Variants in SGSH observed in about 807,000 individuals in gnomAD.
The protein encoded by SGSH is heparan sulfate sulfatase.
Under a neutral mutation model 51.0 loss-of-function variants are expected in SGSH, and 48 were observed. That is an observed-to-expected ratio of 0.94 (90% CI 0.75 to 1.20). SGSH has a LOEUF of 1.20. Ranked by LOEUF, SGSH falls within the 50% of genes most tolerant of loss-of-function variation. The pLI is 0.00. For synonymous variants in SGSH, 321 were observed against 313.4 expected, an observed-to-expected ratio of 1.02 and a Z score of -0.26; for missense variants, 662 against 717.8, an observed-to-expected ratio of 0.92 and a Z score of 0.89.
At chr17:80,220,191 G>A (rs1421416939) in intron 1 of SGSH, 35 bp downstream of exon 1, 1 of 1,469,532 alleles carries the variant, frequency 6.8e-7, no homozygotes, top group Admixed American at 2.1e-5. Context: ...CCGGGCCACC[G>A]CAGGTGGGCG....
At chr17:80,202,243 T>G (rs768725489), downstream of SGSH, 16 of 1,613,850 alleles carry the variant, frequency 9.9e-6, no homozygotes, top group East Asian at 3.3e-4. Flanking sequence ...TCATTCTACA[T>G]CCGGGTCAAC....
chr17:80,204,253 G>C (rs750412113), downstream of SGSH: 2 of 1,596,514 alleles, frequency 1.3e-6, no homozygotes, highest in African/African-American at 2.7e-5. Flanking sequence ...CACAGAAGCT[G>C]GTCCGCATCG....
intron 7 of SGSH, chr17:80,211,455 G>C (rs2041662725): frequency 3.3e-6 from 1 of 304,970 alleles, no homozygotes; most frequent in Non-Finnish European, 6.3e-6. Context: ...CAGGCAGTGG[G>C]CAGGACACAC....
At chr17:80,204,422 T>G, downstream of SGSH, 1 of 1,370,460 alleles carries the variant, frequency 7.3e-7, no homozygotes, top group African/African-American at 1.4e-5. Context: ...GTTGGTCAGC[T>G]GGGGCAGGGG....
In SGSH at chr17:80,217,120, G is replaced by C. The variant is rs2041921590; in HGVS notation, c.161C>G (p.Ala54Gly). Residue 54 changes from alanine (A) to glycine (G), a missense_variant, in exon 2 of 8, where the codon GCC becomes GGC. Transcript: ENST00000326317. ...AIATPHLDAL[A>G]RRSLLFRNAF... is the part of the protein sequence containing the mutation. ...ATTGCGAAAGAGGAGGCTGCGGCGG[G>C]CCAAGGCGTCCAGGTGCGGGGTGGC... 1 of 1,601,816 alleles carries C rather than the reference G, an allele frequency of 6.2e-7. No individual in the cohort carries two copies. Among genetic ancestry groups the C allele is most frequent in the South Asian group, 1.1e-5 (1 of 89,280 alleles).
rs375755239 is a variant in SGSH at position 80,215,075 on chromosome 17, G to A, written c.313C>T (p.Arg105Trp). 139 of 1,612,004 alleles carry A rather than the reference G, an allele frequency of 8.6e-5. No homozygotes were observed. Among genetic ancestry groups the A allele is most frequent in the Non-Finnish European group, 1.0e-4 (120 of 1,179,918 alleles). Residue 105 changes from arginine to tryptophan, a missense_variant, in exon 3 of 8, where the codon CGG becomes TGG. Arg to Trp is a moderately radical substitution (Grantham distance 101). Coordinates refer to ENST00000326317, the MANE Select transcript of SGSH (RefSeq NM_000199.5). ...TGGCTGAGCAGCAGCGGCAGGCTCC[G>A]CACCTTGTCGAAGGAGTTGAAGTGG... is the stretch of plus-strand genomic sequence containing the variant. ...VHHFNSFDKV[R>W]SLPLLLSQAG...
At chr17:80,205,233 C>T (rs772670262), downstream of SGSH, 2 of 1,575,980 alleles carry the variant, frequency 1.3e-6, no homozygotes, top group Non-Finnish European at 1.7e-6. Context: ...AATCCCTCTA[C>T]CCCTTCCACC....
chr17:80,218,309 T>C (rs1274354529), intron 1 of SGSH, among the ~76,000 whole-genome samples: 1 of 152,194 alleles, frequency 6.6e-6, no homozygotes, highest in African/African-American at 2.4e-5. Context: ...AACCCTTTCA[T>C]CCTACACAAA....
At position 80,214,786 on chromosome 17, in the gene SGSH, G is replaced by A. The variant is rs1342802821; in HGVS notation, c.356-21C>T. 5 of 1,607,770 alleles carry A rather than the reference G, an allele frequency of 3.1e-6. 1 individual carries two copies. Among genetic ancestry groups the A allele is most frequent in the African/African-American group, 1.3e-5 (1 of 74,934 alleles). ...GATGCCTGGGCGGGAAGAGAGGCCTGGCCAGAGTCCCTTCAGCCTCCCAAC... is the reference window on the plus strand; with the variant it reads ...GATGCCTGGGCGGGAAGAGAGGCCTAGCCAGAGTCCCTTCAGCCTCCCAAC... On this transcript the variant is annotated intron_variant, in intron 3 of 7. Coordinates refer to ENST00000326317, the MANE Select transcript of SGSH (RefSeq NM_000199.5).
At chr17:80,214,115 CA>C in intron 5 of SGSH, 56 bp downstream of exon 5, 1 of 1,563,446 alleles carries the variant, frequency 6.4e-7, no homozygotes, top group Non-Finnish European at 8.7e-7. Flanking sequence ...CGTAGGAGGC[CA>C]GGGTCCCCGA....
chr17:80,203,514 T>C (rs2041103799), downstream of SGSH: 11 of 301,944 alleles, frequency 3.6e-5, no homozygotes, highest in Admixed American at 3.1e-4. This position sits in a 1 kb window ranked among gnomAD's most constrained non-coding sequence, Gnocchi z 4.6. Flanking sequence ...CCACCATGAA[T>C]ATTGAGGTCC....
chr17:80,205,093 G>A (rs763834649), downstream of SGSH: 16 of 1,613,198 alleles, frequency 9.9e-6, no homozygotes, highest in Admixed American at 1.0e-4. Flanking sequence ...ATACCCTGGT[G>A]CGGCCCCATC....
chr17:80,208,166 G>C (rs752281368), downstream of SGSH: 19 of 1,547,454 alleles, frequency 1.2e-5, no homozygotes, highest in African/African-American at 1.9e-4. Context: ...GGGCACCTCA[G>C]AGGAGCAGCT....
rs2041710415 is a variant in SGSH, at chr17:80,212,531, C to T, written c.746-257G>A. The T allele has an allele frequency of 1.8e-6, 1 of 548,036 alleles. No homozygotes were observed. The highest frequency in any genetic ancestry group is 3.3e-6 in the Non-Finnish European group (1 of 302,360). 33.9% of individuals were successfully genotyped at this position (548,036 alleles called of 1,614,324 possible). A position where few individuals can be genotyped will look rare whatever the true frequency, so the allele number is the denominator to read the frequency against. ...CCATCCCTTGGCACTTCTGTGTCACCCCCAGGCAGCTGCTCCCTGGTGCCC... is the reference window on the plus strand; with the variant it reads ...CCATCCCTTGGCACTTCTGTGTCACTCCCAGGCAGCTGCTCCCTGGTGCCC... On this transcript the variant is annotated intron_variant, in intron 6 of 7. Coordinates refer to ENST00000326317, the MANE Select transcript of SGSH (RefSeq NM_000199.5). The surrounding 1 kb of genome is among the most constrained non-coding windows in gnomAD (Gnocchi z 5.9).
chr17:80,220,321 G>GCGGCTCGGACTCGGGATCGGGATC lies in SGSH; in HGVS notation c.-9_-8insGATCCCGATCCCGAGTCCGAGCCG. On this transcript the variant is annotated 5_prime_UTR_variant, in exon 1 of 8. Coordinates refer to ENST00000326317, the MANE Select transcript of SGSH (RefSeq NM_000199.5). ...GGGCACGGGGCAGCTCATGGCGGCG[G>GCGGCTCGGACTCGGGATCGGGATC]CGGCTCGGACTCGGGATCGGGATCC... 4 of 1,486,936 alleles carry GCGGCTCGGACTCGGGATCGGGATC rather than the reference G, an allele frequency of 2.7e-6. No homozygotes were observed. The South Asian group carries it at 3.8e-5, about 14-fold the overall frequency. The allele number at this position is 1,486,936 out of a possible 1,614,324, so 92.1% of individuals were successfully genotyped here.
At chr17:80,204,386 G>A, downstream of SGSH, 1 of 1,499,662 alleles carries the variant, frequency 6.7e-7, no homozygotes. Flanking sequence ...CTCCAAGTGG[G>A]TGAGGGGCTT....
downstream of SGSH, chr17:80,205,608 C>T (rs750673515): frequency 1.2e-5 from 18 of 1,551,370 alleles, no homozygotes; most frequent in Middle Eastern, 1.7e-4. Flanking sequence ...GTCCGGGGGC[C>T]GCTGCTGGGT....
At position 80,215,074 on chromosome 17, in the gene SGSH, C is replaced by T. The variant is rs375058146; in HGVS notation, c.314G>A (p.Arg105Gln). Residue 105 changes from arginine (R) to glutamine (Q), a missense_variant, in exon 3 of 8, where the codon CGG (arginine) becomes CAG (glutamine). By Grantham distance (43) the Arg-to-Gln change is conservative. Transcript: ENST00000326317. ...VHHFNSFDKV[R>Q]SLPLLLSQAG... Reference sequence around the variant, plus strand: ...TTGGCTGAGCAGCAGCGGCAGGCTCCGCACCTTGTCGAAGGAGTTGAAGTG... The same window carrying T: ...TTGGCTGAGCAGCAGCGGCAGGCTCTGCACCTTGTCGAAGGAGTTGAAGTG... 1.3e-5 allele frequency: 21 copies of T among 1,612,088 alleles called. No homozygotes were observed. The highest frequency in any genetic ancestry group is 6.7e-5 in the East Asian group (3 of 44,900).
downstream of SGSH, chr17:80,208,137 G>A (rs1383517396): frequency 1.3e-6 from 2 of 1,535,354 alleles, no homozygotes; most frequent in African/African-American, 1.4e-5. Context: ...GGCCTGTGCA[G>A]GAAGGGCCTA....
Sources: gnomAD v4.1 joint callset for allele counts (sites outside exome capture counted in the v4.1 genomes callset) on GRCh38, gnomAD v4.1.1 for gene constraint, Gnocchi (gnomAD v3.1) non-coding constraint, MANE v1.5 for transcripts, NCBI Gene and HGNC (gene_info 2026-07-23, HGNC 2026-07-21) for gene names.